Variants in NFIB observed in about 807,000 individuals in gnomAD.
NFIB encodes nuclear factor 1 B-type.
A neutral mutation model predicts 61.5 loss-of-function variants in NFIB; 11 were observed. That is an observed-to-expected ratio of 0.18 (90% confidence interval 0.11 to 0.30). NFIB has a LOEUF of 0.30. NFIB is among the 10% of genes least tolerant of loss of function. The pLI, the probability that NFIB is intolerant of heterozygous loss-of-function variation, is 1.00. For missense variants in NFIB, 471 were observed against 608.9 expected (o/e 0.77, Z 2.38); for synonymous variants, 260 against 216.5 (o/e 1.20, Z -1.76).
chr9:14,406,487 C>A, the NFIB span, among the ~76,000 whole-genome samples: 2 of 152,138 alleles, frequency 1.3e-5, no homozygotes, highest in Non-Finnish European at 2.9e-5. Flanking sequence ...GAGCCTAACT[C>A]AGTGAGTAGA....
chr9:14,089,776 A>G (rs1432483321), intron 10 of NFIB, among the ~76,000 whole-genome samples: 4 of 152,198 alleles, frequency 2.6e-5, no homozygotes, highest in African/African-American at 9.6e-5. Flanking sequence ...CCAAAAGTAC[A>G]AAAACCTTTA....
intron 3 of NFIB, among the ~76,000 whole-genome samples, chr9:14,169,884 C>T (rs145468696): frequency 8.5e-4 from 129 of 152,264 alleles, no homozygotes; most frequent in South Asian, 1.7e-3. Context: ...TACCTAGATA[C>T]GCTTTCATAG....
chr9:14,428,030 G>A, the NFIB span, among the ~76,000 whole-genome samples: 3 of 131,348 alleles, frequency 2.3e-5, no homozygotes, highest in East Asian at 2.5e-4. Context: ...CTGCAGCCTC[G>A]ACCTCCCCAG....
intron 2 of NFIB, chr9:14,204,601 G>A (rs556894290): frequency 7.4e-5 from 71 of 963,844 alleles, no homozygotes; most frequent in Middle Eastern, 3.2e-4. Context: ...TGGCCCGGGC[G>A]GAGAAGAAAG....
the NFIB span, among the ~76,000 whole-genome samples, chr9:14,496,293 T>C: frequency 2.0e-5 from 3 of 152,238 alleles, no homozygotes; most frequent in East Asian, 3.8e-4. Context: ...CTTATCTACA[T>C]AACCTGAAGT....
intron 10 of NFIB, among the ~76,000 whole-genome samples, chr9:14,094,061 G>A (rs1033323368): frequency 2.6e-5 from 4 of 152,026 alleles, no homozygotes; most frequent in Non-Finnish European, 5.9e-5. Flanking sequence ...TGAGGAAACT[G>A]AAGCGAGGAA....
chr9:14,182,263 C>T (rs2046863611), intron 2 of NFIB, among the ~76,000 whole-genome samples: 1 of 152,154 alleles, frequency 6.6e-6, no homozygotes, highest in African/African-American at 2.4e-5. Flanking sequence ...AACAATTCCA[C>T]TTTCTAAAAT....
intron 2 of NFIB, among the ~76,000 whole-genome samples, chr9:14,268,316 G>A (rs1000047439): frequency 7.2e-5 from 11 of 152,006 alleles, no homozygotes; most frequent in African/African-American, 2.4e-4. Context: ...TTGAAAGCTT[G>A]ATGATCTACC....
intron 2 of NFIB, among the ~76,000 whole-genome samples, chr9:14,227,610 T>TA (rs879507641): frequency 7.2e-5 from 11 of 152,144 alleles, no homozygotes; most frequent in African/African-American, 1.7e-4. Flanking sequence ...ATGGTTTTTT[T>TA]AAAAAAAATT....
At chr9:14,283,939 G>C (rs572140252) in intron 2 of NFIB, among the ~76,000 whole-genome samples, 1 of 152,336 alleles carries the variant, frequency 6.6e-6, no homozygotes, top group East Asian at 1.9e-4. Context: ...CTCTAACTCT[G>C]CTTCATACAC....
At chr9:14,230,531 T>A (rs1587786692) in intron 2 of NFIB, among the ~76,000 whole-genome samples, 1 of 152,146 alleles carries the variant, frequency 6.6e-6, no homozygotes, top group African/African-American at 2.4e-5. Context: ...TATATCCAAA[T>A]GAACCCTGAA....
chr9:14,340,428 C>G lies in NFIB; in HGVS notation c.109-32908G>C, dbSNP rs560708621. On this transcript the variant is annotated intron_variant, in intron 1 of 8. Coordinates refer to the NFIB transcript ENST00000380934. ...AGAATACCGATGCCCACACCACACT[C>G]GTAGCAATTCTAATTTAATTGGATT... Among the ~76,000 whole-genome samples the G allele has an allele frequency of 2.2e-4, 33 of 152,342 alleles. No homozygotes were observed. The South Asian group carries it at 6.4e-3, about 30-fold the overall frequency.
At chr9:14,267,459 C>T (rs545571331) in intron 2 of NFIB, among the ~76,000 whole-genome samples, 11 of 152,158 alleles carry the variant, frequency 7.2e-5, no homozygotes, top group Non-Finnish European at 1.3e-4. Context: ...TCATAACTGA[C>T]GTCACAAATG....
chr9:14,104,928 A>T (rs1314441138), intron 10 of NFIB, among the ~76,000 whole-genome samples: 1 of 152,032 alleles, frequency 6.6e-6, no homozygotes, highest in Non-Finnish European at 1.5e-5. Context: ...TAGGTTGGAG[A>T]AGTTTTCAGA....
chr9:14,324,077 T>G (rs2060723103), intron 1 of NFIB, among the ~76,000 whole-genome samples: 1 of 152,180 alleles, frequency 6.6e-6, no homozygotes, highest in Admixed American at 6.5e-5. Context: ...GATACACACA[T>G]GTAGCTATCT....
the NFIB span, among the ~76,000 whole-genome samples, chr9:14,481,845 A>G: frequency 2.0e-5 from 3 of 152,082 alleles, no homozygotes; most frequent in Non-Finnish European, 2.9e-5. Flanking sequence ...GGTCCCCAAC[A>G]CCAGGTGCTA....
intron 4 of NFIB, among the ~76,000 whole-genome samples, chr9:14,151,777 G>A (rs2042900620): frequency 6.6e-6 from 1 of 152,034 alleles, no homozygotes; most frequent in South Asian, 2.1e-4. Flanking sequence ...TTCTTTACCT[G>A]TCTTAATCAG....
At chr9:14,329,839 A>G (rs535854734) in intron 1 of NFIB, among the ~76,000 whole-genome samples, 1 of 149,436 alleles carries the variant, frequency 6.7e-6, no homozygotes, top group South Asian at 2.2e-4. Flanking sequence ...AAACCCAGTA[A>G]CAGGCCGGGC....
the NFIB span, among the ~76,000 whole-genome samples, chr9:14,497,067 G>A: frequency 1.3e-5 from 2 of 152,320 alleles, no homozygotes; most frequent in South Asian, 2.1e-4. Context: ...ACAAAGTCAC[G>A]AGAACCTGCC....
Sources: allele counts gnomAD v4.1 joint callset (sites outside exome capture counted in the v4.1 genomes callset), GRCh38; gene constraint gnomAD v4.1.1; transcripts MANE v1.5; gene names NCBI Gene and HGNC (gene_info 2026-07-23, HGNC 2026-07-21).